Variants in CDH23 observed in about 807,000 individuals in gnomAD.
The protein encoded by CDH23 is cadherin-23.
Under a neutral mutation model 317.1 loss-of-function variants are expected in CDH23, and 189 were observed. The ratio of observed to expected loss-of-function variants is 0.60; its 90% CI spans 0.53 to 0.67. CDH23 has a LOEUF of 0.67. CDH23 is among the 30% of genes least tolerant of loss of function. The pLI, the probability that CDH23 is intolerant of heterozygous loss-of-function variation, is 0.00. For synonymous variants in CDH23, 1,839 were observed against 1,876.8 expected (o/e 0.98, Z 0.52); for missense variants, 4,401 against 4,592.4 (o/e 0.96, Z 1.20).
intron 57 of CDH23, 26 bp downstream of exon 57, chr10:71,806,307 G>T (rs1239221590): frequency 1.3e-6 from 2 of 1,490,488 alleles, no homozygotes; most frequent in Admixed American, 2.0e-5. Flanking sequence ...TCCTGCGCTG[G>T]TCACACCCAC....
At chr10:71,785,185 C>A in intron 43 of CDH23, 85 bp downstream of exon 43, 1 of 1,148,568 alleles carries the variant, frequency 8.7e-7, no homozygotes, top group Non-Finnish European at 1.3e-6. Flanking sequence ...CTGCTGCCAC[C>A]ATCTGGGCTC....
chr10:71,660,221 AG>A (rs1429484606), intron 14 of CDH23, among the ~76,000 whole-genome samples: 1 of 151,996 alleles, frequency 6.6e-6, no homozygotes, highest in Non-Finnish European at 1.5e-5. Flanking sequence ...GGCCTCCCAA[AG>A]TGAGTGAGCC....
chr10:71,793,400 G>A lies in CDH23; in HGVS notation c.6472G>A (p.Ala2158Thr), dbSNP rs2132953934. ...DRGTVPLSGT[A>T]IVTILIDDIN... ...GGGCACCGTTCCTCTCTCGGGCACA[G>A]CCATTGTCACCATTCTGATCGATGA... Residue 2158 changes from alanine (A) to threonine (T), a missense_variant, in exon 48 of 70, where the codon GCC becomes ACC. Ala to Thr is a moderately conservative substitution (Grantham distance 58). Around this residue, in one of 3 missense-constraint regions of CDH23, gnomAD observed 3,068 missense variants for 3,203.3 expected, o/e 0.96. Coordinates refer to ENST00000224721, the MANE Select transcript of CDH23 (RefSeq NM_022124.6). The A allele has an allele frequency of 4.3e-6, 7 of 1,613,976 alleles. No homozygotes were observed. Among genetic ancestry groups the A allele is most frequent in the Non-Finnish European group, 5.9e-6 (7 of 1,179,894 alleles).
At chr10:71,586,388 C>T (rs935817918) in intron 9 of CDH23, among the ~76,000 whole-genome samples, 24 of 152,188 alleles carry the variant, frequency 1.6e-4, no homozygotes, top group African/African-American at 5.6e-4. Flanking sequence ...AGTTTGCATT[C>T]TCTTTCTATT....
At chr10:71,782,319 C>T (rs931333162) in intron 41 of CDH23, among the ~76,000 whole-genome samples, 7 of 152,250 alleles carry the variant, frequency 4.6e-5, no homozygotes, top group African/African-American at 1.7e-4. Context: ...AGAGGCCTGC[C>T]TGGGCTCCCT....
intron 38 of CDH23, chr10:71,773,494 G>A: frequency 6.6e-7 from 1 of 1,524,084 alleles, no homozygotes. Flanking sequence ...GCGGGACGCG[G>A]CCGGCGCGGG....
chr10:71,687,584 A>C, intron 18 of CDH23, 63 bp from the exon 19 acceptor site: 1 of 1,470,294 alleles, frequency 6.8e-7, no homozygotes, highest in Non-Finnish European at 9.5e-7. Context: ...TGCCCACCTT[A>C]GACATCTGGC....
chr10:71,623,437 C>A (rs1861561751), intron 11 of CDH23, among the ~76,000 whole-genome samples: 1 of 152,240 alleles, frequency 6.6e-6, no homozygotes, highest in Non-Finnish European at 1.5e-5. Flanking sequence ...GGAGGCCAGG[C>A]TGCAGCCTCA....
intron 27 of CDH23, 145 bp downstream of exon 27, chr10:71,709,356 C>A: frequency 1.5e-6 from 1 of 667,276 alleles, no homozygotes; most frequent in Non-Finnish European, 2.6e-6. Flanking sequence ...CCAAACATTA[C>A]TCAGCACTTG....
At chr10:71,669,504 G>A (rs528338438) in intron 14 of CDH23, among the ~76,000 whole-genome samples, 2 of 150,650 alleles carry the variant, frequency 1.3e-5, no homozygotes, top group African/African-American at 4.9e-5. Context: ...CTGAAGTGCA[G>A]TGGCGCCATC....
chr10:71,513,107 GCCA>G (rs1854085258), intron 6 of CDH23, among the ~76,000 whole-genome samples: 4 of 152,220 alleles, frequency 2.6e-5, no homozygotes, highest in African/African-American at 9.6e-5. Context: ...GCTGAGAGGA[GCCA>G]GCTGCAAAGG....
At chr10:71,411,681 G>A (rs537985689) in intron 1 of CDH23, among the ~76,000 whole-genome samples, 1 of 152,162 alleles carries the variant, frequency 6.6e-6, no homozygotes, top group East Asian at 1.9e-4. Context: ...TTCAATTCTG[G>A]TATCAAGGAG....
At chr10:71,731,770 C>T (rs1036784075) in intron 31 of CDH23, among the ~76,000 whole-genome samples, 1 of 152,154 alleles carries the variant, frequency 6.6e-6, no homozygotes, top group Non-Finnish European at 1.5e-5. Context: ...AAGGCCAAGC[C>T]CCAGAGGAAG....
At chr10:71,686,504 G>T (rs962283125) in intron 18 of CDH23, among the ~76,000 whole-genome samples, 1 of 152,098 alleles carries the variant, frequency 6.6e-6, no homozygotes, top group Non-Finnish European at 1.5e-5. Flanking sequence ...ATGTCCCAAG[G>T]GGGGTGCAGC....
Position 71,735,884 on chromosome 10 carries a change from G to A in CDH23, c.4209+1226G>A, listed in dbSNP as rs75723102. The stretch of plus-strand genomic sequence containing the variant: ...CCCAAGGGCAGCCGGTGAGCAGAGC[G>A]CTCGGGCAGTGGGTGCCGAGCCACC... On this transcript the variant is annotated intron_variant, in intron 34 of 69. Coordinates refer to ENST00000224721, the MANE Select transcript of CDH23 (RefSeq NM_022124.6). 3.6e-3 allele frequency among the ~76,000 whole-genome samples: 546 copies of A among 152,302 alleles called. 4 individuals are homozygous for A. Among genetic ancestry groups the A allele is most frequent in the East Asian group, 0.034 (175 of 5,182 alleles).
At chr10:71,688,119 G>A (rs1864982116) in intron 19 of CDH23, among the ~76,000 whole-genome samples, 3 of 152,188 alleles carry the variant, frequency 2.0e-5, no homozygotes, top group South Asian at 2.1e-4. Flanking sequence ...CTTACAGCGG[G>A]GCATGTGTTC....
chr10:71,615,209 G>A (rs1253604549), intron 9 of CDH23, among the ~76,000 whole-genome samples: 1 of 152,166 alleles, frequency 6.6e-6, no homozygotes, highest in Non-Finnish European at 1.5e-5. Flanking sequence ...GTCTAGAGAA[G>A]TGTTAAAGCA....
chr10:71,468,568 G>A (rs1346155168), intron 3 of CDH23, among the ~76,000 whole-genome samples: 1 of 152,192 alleles, frequency 6.6e-6, no homozygotes, highest in African/African-American at 2.4e-5. Context: ...AGCATGGCCA[G>A]GCTGCACTTG....
intron 12 of CDH23, 119 bp from the exon 13 acceptor site, chr10:71,645,712 C>T: frequency 8.8e-7 from 1 of 1,142,024 alleles, no homozygotes; most frequent in Non-Finnish European, 1.3e-6. Flanking sequence ...GCGCCTCATC[C>T]ATTGCCCCAA....
Sources: gnomAD v4.1 joint callset for allele counts (sites outside exome capture counted in the v4.1 genomes callset) on GRCh38, gnomAD v4.1.1 for gene constraint, gnomAD v4.1.1 regional missense constraint, MANE v1.5 for transcripts, NCBI Gene and HGNC (gene_info 2026-07-23, HGNC 2026-07-21) for gene names.